Variants in SPOCK3 observed in about 807,000 individuals in gnomAD.
SPOCK3 encodes testican-3.
SPOCK3 carries 30 observed loss-of-function variants against 56.6 expected under a neutral mutation model. That is an observed-to-expected ratio of 0.53 (90% CI 0.40 to 0.72). The LOEUF (loss-of-function observed/expected upper bound fraction) is 0.72, where lower values mean the gene tolerates loss of function less well. SPOCK3 is among the 30% of genes least tolerant of loss of function. The pLI, the probability that SPOCK3 is intolerant of heterozygous loss-of-function variation, is 0.00. For synonymous variants in SPOCK3, 196 were observed against 183.3 expected (o/e 1.07, Z -0.56); for missense variants, 527 against 530.0 (o/e 0.99, Z 0.06).
At chr4:166,991,287 C>T (rs1345256715) in intron 4 of SPOCK3, among the ~76,000 whole-genome samples, 1 of 151,960 alleles carries the variant, frequency 6.6e-6, no homozygotes, top group African/African-American at 2.4e-5. Context: ...ATTAAAGGCA[C>T]ACACACATAC....
intron 7 of SPOCK3, among the ~76,000 whole-genome samples, chr4:166,767,593 A>C (rs1015887432): frequency 1.3e-5 from 2 of 152,160 alleles, no homozygotes; most frequent in Non-Finnish European, 2.9e-5. Context: ...TTTGCTGAGG[A>C]GTGCTTTCCT....
intron 6 of SPOCK3, among the ~76,000 whole-genome samples, chr4:166,870,158 A>T (rs778409771): frequency 2.6e-5 from 4 of 152,134 alleles, no homozygotes; most frequent in Non-Finnish European, 4.4e-5. Context: ...ATGCTGGTCC[A>T]GTATCCCATT....
intron 3 of SPOCK3, among the ~76,000 whole-genome samples, chr4:167,057,449 A>G (rs1425407267): frequency 2.6e-5 from 4 of 152,008 alleles, no homozygotes; most frequent in Admixed American, 2.0e-4. Context: ...TTAACTTTAA[A>G]TGTAAATGGA....
chr4:166,850,922 G>C (rs567019307), intron 6 of SPOCK3, among the ~76,000 whole-genome samples: 11 of 152,362 alleles, frequency 7.2e-5, no homozygotes, highest in African/African-American at 2.6e-4. Flanking sequence ...GGCTTGCTTA[G>C]GTAAACAAAG....
chr4:166,904,312 A>G (rs1353636345), intron 5 of SPOCK3, among the ~76,000 whole-genome samples: 1 of 151,894 alleles, frequency 6.6e-6, no homozygotes, highest in East Asian at 1.9e-4. Flanking sequence ...TTAACGCATT[A>G]GCTTAATTGA....
At chr4:166,771,967 T>C (rs939622404) in intron 7 of SPOCK3, among the ~76,000 whole-genome samples, 2 of 152,052 alleles carry the variant, frequency 1.3e-5, no homozygotes, top group Admixed American at 6.6e-5. Context: ...CTTAGCATGC[T>C]TGGTAAAATT....
chr4:167,013,885 T>G (rs1750337924), intron 3 of SPOCK3, among the ~76,000 whole-genome samples: 1 of 152,226 alleles, frequency 6.6e-6, no homozygotes, highest in South Asian at 2.1e-4. Flanking sequence ...AAATAAAATA[T>G]CCTATAATTG....
intron 3 of SPOCK3, among the ~76,000 whole-genome samples, chr4:167,058,951 T>C (rs376486310): frequency 6.6e-6 from 1 of 152,142 alleles, no homozygotes; most frequent in Non-Finnish European, 1.5e-5. Flanking sequence ...CAGCCATATG[T>C]AGAAAGCTGA....
intron 2 of SPOCK3, among the ~76,000 whole-genome samples, chr4:167,207,126 T>C (rs971133222): frequency 6.6e-6 from 1 of 152,118 alleles, no homozygotes; most frequent in Non-Finnish European, 1.5e-5. Context: ...AAATAAACTA[T>C]GGATTTTGTC....
At chr4:167,222,852 TATAA>T (rs1736127690) in intron 2 of SPOCK3, among the ~76,000 whole-genome samples, 1 of 127,382 alleles carries the variant, frequency 7.9e-6, no homozygotes, top group Admixed American at 8.4e-5. Flanking sequence ...TATGTGAATA[TATAA>T]ATATATAAAC....
intron 2 of SPOCK3, among the ~76,000 whole-genome samples, chr4:167,230,197 T>C (rs1479971529): frequency 6.6e-6 from 1 of 151,984 alleles, no homozygotes; most frequent in South Asian, 2.1e-4. Flanking sequence ...AATGTTATTA[T>C]ACCATGCATT....
At chr4:166,764,239 G>A (rs1298300988) in intron 7 of SPOCK3, among the ~76,000 whole-genome samples, 4 of 151,898 alleles carry the variant, frequency 2.6e-5, no homozygotes, top group African/African-American at 9.7e-5. Context: ...TGTGCACAAC[G>A]TGCAGGTTTG....
At position 166,850,738 on chromosome 4, in the gene SPOCK3, C is replaced by T. The variant is rs540285166; in HGVS notation, c.589+38392G>A. On this transcript the variant is annotated intron_variant, in intron 6 of 10. Transcript: ENST00000357545. ...ACCTGGAAAATCGGGTCACTCCCGC[C>T]CGAATACTGCGCTTTTCCGACGGGC... Among the ~76,000 whole-genome samples the T allele has an allele frequency of 9.2e-4, 140 of 152,368 alleles. 2 individuals carry two copies. Among genetic ancestry groups the T allele is most frequent in the South Asian group, 6.6e-3 (32 of 4,832 alleles).
chr4:166,739,477 G>C (rs1199748319), intron 9 of SPOCK3, among the ~76,000 whole-genome samples: 1 of 152,072 alleles, frequency 6.6e-6, no homozygotes, highest in Non-Finnish European at 1.5e-5. Flanking sequence ...CTGACTTCAA[G>C]TCATCCATCC....
chr4:167,230,668 G>A (rs1364398228), intron 2 of SPOCK3, among the ~76,000 whole-genome samples: 2 of 151,926 alleles, frequency 1.3e-5, no homozygotes, highest in African/African-American at 4.8e-5. Context: ...TGACTTTTCT[G>A]TATCTTTAGA....
intron 2 of SPOCK3, among the ~76,000 whole-genome samples, chr4:167,231,428 C>G (rs1250190422): frequency 6.6e-6 from 1 of 151,968 alleles, no homozygotes; most frequent in Non-Finnish European, 1.5e-5. Context: ...AAAAGTACTT[C>G]AGTTAAATTG....
chr4:166,929,066 G>A (rs1739437968), intron 4 of SPOCK3, among the ~76,000 whole-genome samples: 1 of 152,168 alleles, frequency 6.6e-6, no homozygotes, highest in African/African-American at 2.4e-5. Flanking sequence ...CACACTGGAG[G>A]AGTATGTTGA....
intron 2 of SPOCK3, among the ~76,000 whole-genome samples, chr4:167,171,415 C>G (rs892586987): frequency 6.6e-6 from 1 of 152,114 alleles, no homozygotes; most frequent in African/African-American, 2.4e-5. Flanking sequence ...AAGTACTTGT[C>G]TACAGCATGT....
chr4:167,141,715 G>C (rs936598148), intron 2 of SPOCK3, among the ~76,000 whole-genome samples: 1 of 151,702 alleles, frequency 6.6e-6, no homozygotes, highest in African/African-American at 2.4e-5. Flanking sequence ...TAAATTAGAG[G>C]GCAAATCCAG....
Sources: gnomAD v4.1 joint callset for allele counts (sites outside exome capture counted in the v4.1 genomes callset) on GRCh38, gnomAD v4.1.1 for gene constraint, MANE v1.5 for transcripts, NCBI Gene and HGNC (gene_info 2026-07-23, HGNC 2026-07-21) for gene names.